SYNE3: variants seen among roughly 807,000 people sequenced by gnomAD.
The protein encoded by SYNE3 is nesprin-3.
In SYNE3, 100 loss-of-function variants were observed where a neutral mutation model predicts 111.2. The observed-to-expected ratio is 0.90, with a 90% confidence interval of 0.77 to 1.06. The LOEUF (loss-of-function observed/expected upper bound fraction) is 1.06. SYNE3 is among the 50% of genes least tolerant of loss of function. SYNE3 has a pLI of 0.00. For missense variants in SYNE3, 1,160 were observed against 1,240.3 expected, an observed-to-expected ratio of 0.94 and a Z score of 0.97; for synonymous variants, 547 against 533.9, an observed-to-expected ratio of 1.02 and a Z score of -0.34.
rs947776404 is a variant in SYNE3 at position 95,417,761 on chromosome 14, T to A, written c.*65A>T. The A allele has an allele frequency of 6.4e-7, 1 of 1,559,538 alleles. No homozygotes were observed. The highest frequency in any genetic ancestry group is 1.4e-5 in the African/African-American group (1 of 73,800). On this transcript the variant is annotated 3_prime_UTR_variant, in exon 18 of 18. Transcript: ENST00000682763. Reference sequence around the variant, plus strand: ...CTGTTTCCAGTTTCCCTGGCGAGCATCCTCAGGAGGGGCCCTGGGACTGAT... The same window carrying A: ...CTGTTTCCAGTTTCCCTGGCGAGCAACCTCAGGAGGGGCCCTGGGACTGAT...
chr14:95,487,076 C>A (rs1889587690), intron 1 of SYNE3, among the ~76,000 whole-genome samples: 1 of 152,082 alleles, frequency 6.6e-6, no homozygotes, highest in Non-Finnish European at 1.5e-5. Flanking sequence ...CCCCACTCTG[C>A]CCCACCCGCC....
chr14:95,436,460 C>T (rs1227988062), intron 15 of SYNE3, among the ~76,000 whole-genome samples: 4 of 152,238 alleles, frequency 2.6e-5, no homozygotes, highest in African/African-American at 7.2e-5. Flanking sequence ...AGGCACTGCC[C>T]GGTTGAGTTC....
chr14:95,471,998 G>A lies in SYNE3; in HGVS notation c.144+3680C>T, dbSNP rs558691634. 2.0e-5 allele frequency among the ~76,000 whole-genome samples: 3 copies of A among 152,316 alleles called. No individual in the cohort carries two copies. In the South Asian group the frequency reaches 6.2e-4, roughly 32 times the overall value. ...CCTGGATGAACAAGCTGGTAGGAAA[G>A]AGGGCTGCAGATAAGAGCGCAGACG... On this transcript the variant is annotated intron_variant, in intron 2 of 17. Coordinates refer to ENST00000682763, the MANE Select transcript of SYNE3 (RefSeq NM_152592.6).
At chr14:95,418,114 G>T in intron 17 of SYNE3, 88 bp from the exon 18 acceptor site, 3 of 1,393,372 alleles carry the variant, frequency 2.2e-6, no homozygotes. Flanking sequence ...TGCCAGGAGC[G>T]GTGGTAGCAC....
chr14:95,485,162 C>T lies in SYNE3; in HGVS notation c.-14-9327G>A, dbSNP rs770688773. On this transcript the variant is annotated intron_variant, in intron 1 of 17. Coordinates refer to ENST00000682763, the MANE Select transcript of SYNE3 (RefSeq NM_152592.6). The surrounding 1 kb of genome is among the most constrained non-coding windows in gnomAD (Gnocchi z 4.3). ...CAAATTCATCCACACGGTGGGAGGG[C>T]GGTTGGGGCTGGGTCCTATTAGCTT... Among the ~76,000 whole-genome samples, 6 of 152,090 alleles carry T rather than the reference C, an allele frequency of 3.9e-5. No homozygotes were observed. Among genetic ancestry groups the T allele is most frequent in the South Asian group, 2.1e-4 (1 of 4,818 alleles).
At chr14:95,469,788 TA>T (rs1276210942) in intron 2 of SYNE3, among the ~76,000 whole-genome samples, 7 of 152,202 alleles carry the variant, frequency 4.6e-5, no homozygotes, top group African/African-American at 1.7e-4. Context: ...GTGTACTTTG[TA>T]AACTGTTGAA....
chr14:95,418,647 A>G (rs137905036), intron 17 of SYNE3, among the ~76,000 whole-genome samples: 75 of 150,612 alleles, frequency 5.0e-4, no homozygotes, highest in Middle Eastern at 3.4e-3. Flanking sequence ...TCTGTCGCCC[A>G]GGCTGGAGTT....
At chr14:95,444,161 T>A (rs1886568492) in intron 10 of SYNE3, 1 of 367,214 alleles carries the variant, frequency 2.7e-6, no homozygotes, top group African/African-American at 2.1e-5. Context: ...CAAAGTTGGT[T>A]TAACTGAACA....
chr14:95,432,513 A>G (rs931615389), intron 16 of SYNE3, among the ~76,000 whole-genome samples: 2 of 152,168 alleles, frequency 1.3e-5, no homozygotes, highest in African/African-American at 4.8e-5. Context: ...GGGACCTAGG[A>G]AACTTAATGT....
At position 95,485,458 on chromosome 14, in the gene SYNE3, T is replaced by C. The variant is rs551203219; in HGVS notation, c.-14-9623A>G. Reference sequence around the variant, plus strand: ...GAACGCACACATTCCTCAGATGCCCTGAAGGTAAACTGAGAGAGTCGGCTG... The same window carrying C: ...GAACGCACACATTCCTCAGATGCCCCGAAGGTAAACTGAGAGAGTCGGCTG... On this transcript the variant is annotated intron_variant, in intron 1 of 17. Transcript: ENST00000682763. This position sits in a 1 kb window ranked among gnomAD's most constrained non-coding sequence, Gnocchi z 4.3. 2.0e-5 allele frequency among the ~76,000 whole-genome samples: 3 copies of C among 152,232 alleles called. No individual in the cohort carries two copies. The highest frequency in any genetic ancestry group is 4.8e-5 in the African/African-American group (2 of 41,524).
At chr14:95,484,208 G>T (rs552107461) in intron 1 of SYNE3, among the ~76,000 whole-genome samples, 1 of 152,312 alleles carries the variant, frequency 6.6e-6, no homozygotes, top group East Asian at 1.9e-4. Flanking sequence ...GAGGGAAATG[G>T]GACAGAGTGG....
chr14:95,420,203 G>A (rs1048895904), intron 17 of SYNE3, among the ~76,000 whole-genome samples: 2 of 151,748 alleles, frequency 1.3e-5, no homozygotes, highest in Non-Finnish European at 2.9e-5. Context: ...GTGGAGGGTG[G>A]GGGTGGGTGA....
intron 1 of SYNE3, among the ~76,000 whole-genome samples, chr14:95,479,224 C>CAAAAAAAAAAA (rs71132351): frequency 2.3e-5 from 2 of 86,330 alleles, no homozygotes; most frequent in South Asian, 3.7e-4. Flanking sequence ...TCGTCTCTAC[C>CAAAAAAAAAAA]AAAAAAAAAA....
chr14:95,438,205 G>T (rs1886206237), intron 14 of SYNE3: 1 of 152,242 alleles, frequency 6.6e-6, no homozygotes, highest in African/African-American at 2.4e-5. Flanking sequence ...AGGCCCCTGA[G>T]TAGCTGGAAC....
chr14:95,505,078 T>C (rs1008749152), intron 1 of SYNE3, among the ~76,000 whole-genome samples: 2 of 152,224 alleles, frequency 1.3e-5, no homozygotes, highest in Non-Finnish European at 2.9e-5. Flanking sequence ...CAGTGCTGGG[T>C]CCTGCCTTGG....
rs1226787239 is a variant in SYNE3 at position 95,460,828 on chromosome 14, G to A, written c.628-3490C>T. Among the ~76,000 whole-genome samples the A allele has an allele frequency of 2.0e-5, 3 of 152,228 alleles. 1 individual carries two copies. The highest frequency in any genetic ancestry group is 4.1e-4 in the South Asian group (2 of 4,834). The stretch of plus-strand genomic sequence containing the variant: ...GAGTAACAGACAGAGGCTGGATGCT[G>A]GGCCCCTGGCCGCGCTGATGGTGAT... On this transcript the variant is annotated intron_variant, in intron 4 of 17. Coordinates refer to ENST00000682763, the MANE Select transcript of SYNE3 (RefSeq NM_152592.6).
chr14:95,449,306 T>C (rs1266380867), intron 8 of SYNE3, among the ~76,000 whole-genome samples: 1 of 152,112 alleles, frequency 6.6e-6, no homozygotes, highest in African/African-American at 2.4e-5. Context: ...GAATAATCAA[T>C]CATATGACCT....
intron 17 of SYNE3, among the ~76,000 whole-genome samples, chr14:95,430,467 C>A (rs1483265947): frequency 5.9e-5 from 9 of 152,034 alleles, no homozygotes; most frequent in Admixed American, 5.9e-4. Context: ...TTTCTACTTT[C>A]ATATACAACA....
intron 1 of SYNE3, among the ~76,000 whole-genome samples, chr14:95,511,110 C>A (rs1292435509): frequency 6.6e-6 from 1 of 152,272 alleles, no homozygotes; most frequent in African/African-American, 2.4e-5. Context: ...GATGAAAGTC[C>A]TGCTCCATCT....
Sources: gnomAD v4.1 joint callset for allele counts (sites outside exome capture counted in the v4.1 genomes callset) on GRCh38, gnomAD v4.1.1 for gene constraint, Gnocchi (gnomAD v3.1) non-coding constraint, MANE v1.5 for transcripts, NCBI Gene and HGNC (gene_info 2026-07-23, HGNC 2026-07-21) for gene names.